The following IQCJ variants were observed in gnomAD, a reference collection of about 807,000 sequenced individuals.
IQCJ encodes IQ motif containing J.
A neutral mutation model predicts 11.0 loss-of-function variants in IQCJ; 9 were observed. That is an observed-to-expected ratio of 0.82 (90% CI 0.49 to 1.43). The LOEUF (loss-of-function observed/expected upper bound fraction) is 1.43, where lower values mean the gene tolerates loss of function less well. Among genes scored for constraint, IQCJ ranks in the 40% most tolerant of loss-of-function variants. The pLI is 0.00. For missense variants in IQCJ, 146 were observed against 133.2 expected (o/e 1.10, Z -0.47); for synonymous variants, 55 against 51.3 (o/e 1.07, Z -0.31).
intron 1 of IQCJ, among the ~76,000 whole-genome samples, chr3:159,158,080 T>C (rs1721634065): frequency 6.6e-6 from 1 of 152,232 alleles, no homozygotes; most frequent in African/African-American, 2.4e-5. Context: ...TCAAAGAGAA[T>C]ATTTATTTGT....
rs1728293866 is a variant in IQCJ, at chr3:159,262,768, A to T, written c.*37A>T. ...TTGGTTCTAAGAGAGAAATCTTGGG[A>T]TGTGAGCAGGTGGTTTGTGACAGTG... On this transcript the variant is annotated 3_prime_UTR_variant, in exon 4 of 4. Coordinates refer to ENST00000397832, the MANE Select transcript of IQCJ (RefSeq NM_001042706.3). 2 of 1,597,278 alleles carry T rather than the reference A, an allele frequency of 1.3e-6. No individual in the cohort carries two copies. The highest frequency in any genetic ancestry group is 1.7e-6 in the Non-Finnish European group (2 of 1,168,876).
At chr3:159,246,853 C>T (rs1007388749) in intron 2 of IQCJ, among the ~76,000 whole-genome samples, 3 of 152,090 alleles carry the variant, frequency 2.0e-5, no homozygotes, top group African/African-American at 7.2e-5. Flanking sequence ...GAAAATAGAA[C>T]AAGAGTCAAT....
chr3:159,142,667 C>T (rs1302967490), intron 1 of IQCJ, among the ~76,000 whole-genome samples: 1 of 152,136 alleles, frequency 6.6e-6, no homozygotes, highest in Non-Finnish European at 1.5e-5. Flanking sequence ...ATCTACCTGC[C>T]TCAGCCTCCC....
chr3:159,140,165 A>G lies in IQCJ; in HGVS notation c.9+70724A>G, dbSNP rs115879757. On this transcript the variant is annotated intron_variant, in intron 1 of 3. Transcript: ENST00000397832. Reference sequence around the variant, plus strand: ...ACACTGACACATCATTAGCACACAAAGTCCATAGTTTACATTAGGGTTCAC... The same window carrying G: ...ACACTGACACATCATTAGCACACAAGGTCCATAGTTTACATTAGGGTTCAC... Among the ~76,000 whole-genome samples the G allele has an allele frequency of 1.4e-3, 215 of 152,256 alleles. 2 individuals carry two copies. Among genetic ancestry groups the G allele is most frequent in the African/African-American group, 5.0e-3 (208 of 41,540 alleles).
At chr3:159,207,483 G>C (rs1396594868) in intron 1 of IQCJ, among the ~76,000 whole-genome samples, 1 of 151,578 alleles carries the variant, frequency 6.6e-6, no homozygotes, top group Non-Finnish European at 1.5e-5. Flanking sequence ...AATGATCAAA[G>C]CAAAAAATAA....
At chr3:159,112,073 C>T (rs79913988) in intron 1 of IQCJ, among the ~76,000 whole-genome samples, 3,532 of 152,208 alleles carry the variant, frequency 0.023, 155 homozygotes, top group African/African-American at 0.081. Flanking sequence ...CAAATAGCCT[C>T]TTGTATGGCA....
chr3:159,264,212 A>G (rs1294272230), downstream of IQCJ, among the ~76,000 whole-genome samples: 2 of 152,204 alleles, frequency 1.3e-5, no homozygotes, highest in African/African-American at 2.4e-5. Context: ...GTGATATCTA[A>G]AAGTTTTAGT....
chr3:159,211,883 A>G (rs910427484), intron 1 of IQCJ, among the ~76,000 whole-genome samples: 1 of 152,046 alleles, frequency 6.6e-6, no homozygotes, highest in Non-Finnish European at 1.5e-5. Context: ...CAAATCAAGG[A>G]GAATGGAAAG....
chr3:159,094,051 G>A (rs1717537809), intron 1 of IQCJ, among the ~76,000 whole-genome samples: 1 of 151,716 alleles, frequency 6.6e-6, no homozygotes, highest in Admixed American at 6.6e-5. Flanking sequence ...ATAGGAACAG[G>A]GTTTGGGCCT....
chr3:159,246,863 T>C (rs1727303066), intron 2 of IQCJ, among the ~76,000 whole-genome samples: 1 of 152,046 alleles, frequency 6.6e-6, no homozygotes, highest in South Asian at 2.1e-4. Context: ...CAAGAGTCAA[T>C]GAGTAGGATA....
chr3:159,125,180 G>A lies in IQCJ; in HGVS notation c.9+55739G>A, dbSNP rs150853748. On this transcript the variant is annotated intron_variant, in intron 1 of 3. Coordinates refer to ENST00000397832, the MANE Select transcript of IQCJ (RefSeq NM_001042706.3). ...TCCTTGACATGATATGATGAAAATG[G>A]TGTGTTACCTCTGTGATCTTCCTCC... Among the ~76,000 whole-genome samples, 803 of 152,282 alleles carry A rather than the reference G, an allele frequency of 5.3e-3. 3 individuals are homozygous for A. Among genetic ancestry groups the A allele is most frequent in the Admixed American group, 6.6e-3 (101 of 15,294 alleles).
At chr3:159,159,925 A>G (rs1721743346) in intron 1 of IQCJ, among the ~76,000 whole-genome samples, 1 of 152,080 alleles carries the variant, frequency 6.6e-6, no homozygotes. Context: ...GGCCCTCACT[A>G]GAAGTAGATG....
In IQCJ at chr3:159,173,304, T is replaced by G. The variant is rs143415729; in HGVS notation, c.10-72539T>G. Among the ~76,000 whole-genome samples, 147 of 152,340 alleles carry G rather than the reference T, an allele frequency of 9.6e-4. 1 individual carries two copies. Among genetic ancestry groups the G allele is most frequent in the African/African-American group, 3.2e-3 (134 of 41,588 alleles). On this transcript the variant is annotated intron_variant, in intron 1 of 3. Transcript: ENST00000397832. ...AGTTTATTTTCTAAGCTGTTGACACTGATACAATGTTCAGAAATAGGTTGT... is the reference window on the plus strand; with the variant it reads ...AGTTTATTTTCTAAGCTGTTGACACGGATACAATGTTCAGAAATAGGTTGT...
chr3:159,087,345 T>C (rs1307150787), intron 1 of IQCJ, among the ~76,000 whole-genome samples: 2 of 150,046 alleles, frequency 1.3e-5, no homozygotes, highest in Non-Finnish European at 3.0e-5. Flanking sequence ...GATTTTTGCA[T>C]CAATGTTCAT....
At chr3:159,150,728 T>C (rs1721166683) in intron 1 of IQCJ, among the ~76,000 whole-genome samples, 1 of 152,056 alleles carries the variant, frequency 6.6e-6, no homozygotes, top group Non-Finnish European at 1.5e-5. Flanking sequence ...CAGTGAACAT[T>C]TGTTGAAGTA....
At chr3:159,232,451 C>CTTTTTTT (rs35423818) in intron 1 of IQCJ, among the ~76,000 whole-genome samples, 10 of 83,722 alleles carry the variant, frequency 1.2e-4, no homozygotes, top group African/African-American at 2.4e-4. Context: ...GAGAGACTTT[C>CTTTTTTT]TTTTTTTTTT....
intron 1 of IQCJ, among the ~76,000 whole-genome samples, chr3:159,121,389 C>T (rs898432251): frequency 1.3e-5 from 2 of 152,176 alleles, no homozygotes; most frequent in Non-Finnish European, 2.9e-5. Flanking sequence ...CCACCTCAGC[C>T]TCCCAAAGTG....
chr3:159,138,441 T>C (rs1406777189), intron 1 of IQCJ, among the ~76,000 whole-genome samples: 1 of 152,246 alleles, frequency 6.6e-6, no homozygotes, highest in Non-Finnish European at 1.5e-5. Context: ...CAGGAGTTCA[T>C]GGTTAATACC....
At chr3:159,241,152 G>A (rs2108181143) in intron 1 of IQCJ, among the ~76,000 whole-genome samples, 1 of 152,074 alleles carries the variant, frequency 6.6e-6, no homozygotes, top group South Asian at 2.1e-4. Flanking sequence ...GCTCATGCTT[G>A]TAATCCCAGC....
Sources: allele counts gnomAD v4.1 joint callset (sites outside exome capture counted in the v4.1 genomes callset), GRCh38; gene constraint gnomAD v4.1.1; transcripts MANE v1.5; gene names NCBI Gene and HGNC (gene_info 2026-07-23, HGNC 2026-07-21).